The following TMEM260 variants were observed in gnomAD, a reference collection of about 807,000 sequenced individuals.
The protein encoded by TMEM260 is protein O-mannosyl-transferase TMEM260.
TMEM260 carries 82 observed loss-of-function variants against 88.9 expected under a neutral mutation model. The observed-to-expected ratio is 0.92, with a 90% CI of 0.77 to 1.11. The LOEUF is 1.11. TMEM260 is among the 50% of genes least tolerant of loss of function. The pLI, the probability that TMEM260 is intolerant of heterozygous loss-of-function variation, is 0.00. For missense variants in TMEM260, 902 were observed against 853.4 expected, an observed-to-expected ratio of 1.06 and a Z score of -0.71; for synonymous variants, 314 against 309.3, an observed-to-expected ratio of 1.02 and a Z score of -0.16.
At chr14:56,594,862 T>C (rs1291788364) in intron 3 of TMEM260, among the ~76,000 whole-genome samples, 1 of 152,228 alleles carries the variant, frequency 6.6e-6, no homozygotes, top group Non-Finnish European at 1.5e-5. Context: ...TCTACATATA[T>C]AACTCTGCCA....
At chr14:56,640,752 T>A (rs1889527716) in intron 15 of TMEM260, among the ~76,000 whole-genome samples, 2 of 151,600 alleles carry the variant, frequency 1.3e-5, no homozygotes, top group Non-Finnish European at 2.9e-5. Flanking sequence ...TTGAAAAAAA[T>A]TAATTAGACA....
At chr14:56,608,183 A>G (rs914071426) in intron 5 of TMEM260, among the ~76,000 whole-genome samples, 4 of 152,212 alleles carry the variant, frequency 2.6e-5, no homozygotes, top group African/African-American at 9.6e-5. Flanking sequence ...ATGCTAACAT[A>G]AATCAACTGC....
At chr14:56,653,218 T>A (rs1890236859), downstream of TMEM260, among the ~76,000 whole-genome samples, 1 of 151,332 alleles carries the variant, frequency 6.6e-6, no homozygotes, top group Non-Finnish European at 1.5e-5. Context: ...AAATAAAAAA[T>A]AAAAAAATAC....
the TMEM260 span, among the ~76,000 whole-genome samples, chr14:56,655,858 C>A: frequency 6.6e-6 from 1 of 152,132 alleles, no homozygotes; most frequent in Non-Finnish European, 1.5e-5. Context: ...GCTCCCATAG[C>A]CATGTGCTAT....
intron 15 of TMEM260, among the ~76,000 whole-genome samples, chr14:56,639,561 T>G (rs1889403738): frequency 6.6e-6 from 1 of 152,182 alleles, no homozygotes; most frequent in Non-Finnish European, 1.5e-5. Flanking sequence ...TCTACAGCTC[T>G]CAGCATGAGC....
At chr14:56,595,899 A>G (rs538225284) in intron 3 of TMEM260, among the ~76,000 whole-genome samples, 1 of 152,360 alleles carries the variant, frequency 6.6e-6, no homozygotes, top group Non-Finnish European at 1.5e-5. Flanking sequence ...CCAAAAGAAT[A>G]TTTAAACACT....
At chr14:56,641,621 A>C (rs575628544) in intron 15 of TMEM260, among the ~76,000 whole-genome samples, 29 of 152,372 alleles carry the variant, frequency 1.9e-4, no homozygotes, top group Non-Finnish European at 1.3e-4. Flanking sequence ...TGAGGAAAAT[A>C]ACCAGCTAAT....
intron 6 of TMEM260, among the ~76,000 whole-genome samples, chr14:56,610,051 A>G (rs949418664): frequency 5.9e-5 from 9 of 152,152 alleles, no homozygotes; most frequent in South Asian, 2.1e-4. Context: ...TAAACAATCT[A>G]TTGTTCAAGG....
At position 56,579,866 on chromosome 14, in the gene TMEM260, C is replaced by G. The variant is rs1448160958; in HGVS notation, c.-49C>G. On this transcript the variant is annotated 5_prime_UTR_variant, in exon 1 of 16. Transcript: ENST00000261556. ...CTCGGCTGGGGAGCTCCGTGTCGCA[C>G]CGGGTTCTTGGGCTGGCCGTGTCCT... 4.9e-6 allele frequency: 6 copies of G among 1,230,474 alleles called. No individual in the cohort carries two copies. The highest frequency in any genetic ancestry group is 1.6e-5 in the African/African-American group (1 of 64,372). 76.2% of individuals were successfully genotyped at this position (1,230,474 alleles called of 1,614,324 possible).
At chr14:56,623,938 A>G (rs1888082928) in intron 11 of TMEM260, among the ~76,000 whole-genome samples, 1 of 152,224 alleles carries the variant, frequency 6.6e-6, no homozygotes, top group Non-Finnish European at 1.5e-5. Flanking sequence ...AAAAGAGGGA[A>G]TGAATACATA....
chr14:56,600,493 A>C (rs1013251300), intron 3 of TMEM260, among the ~76,000 whole-genome samples: 1 of 152,208 alleles, frequency 6.6e-6, no homozygotes, highest in African/African-American at 2.4e-5. Context: ...AAAAAAGCAA[A>C]TAATCCAATT....
At chr14:56,582,338 T>A (rs991707864) in intron 1 of TMEM260, among the ~76,000 whole-genome samples, 3 of 152,190 alleles carry the variant, frequency 2.0e-5, no homozygotes, top group Admixed American at 1.3e-4. Context: ...ATGGGCAGGG[T>A]GCTTGTGGTG....
chr14:56,617,600 C>T (rs775998149), intron 9 of TMEM260, among the ~76,000 whole-genome samples: 1 of 152,026 alleles, frequency 6.6e-6, no homozygotes, highest in Non-Finnish European at 1.5e-5. Flanking sequence ...ATTTTTTTAA[C>T]AGCAAAAGAA....
chr14:56,579,990 A>T lies in TMEM260; in HGVS notation c.76A>T (p.Ile26Phe). The T allele has an allele frequency of 8.0e-7, 1 of 1,246,140 alleles. No individual in the cohort carries two copies. Among genetic ancestry groups the T allele is most frequent in the Non-Finnish European group, 1.0e-6 (1 of 989,258 alleles). The allele number at this position is 1,246,140 out of a possible 1,614,324, so 77.2% of individuals were successfully genotyped here. A position where few individuals can be genotyped will look rare whatever the true frequency, so the allele number is the denominator to read the frequency against. Residue 26 changes from isoleucine to phenylalanine, a missense_variant, in exon 1 of 16, where the codon ATC (isoleucine) becomes TTC (phenylalanine). By Grantham distance (21) the Ile-to-Phe change is conservative (BLOSUM62 0). Transcript: ENST00000261556. ...VRVGLRRSGG[I>F]RGGVAVFAAV... ...AGTGGGGCTGCGGCGCTCCGGGGGC[A>T]TCCGCGGCGGCGTGGCGGTGTTCGC...
chr14:56,592,432 C>T (rs1885923883), intron 3 of TMEM260, among the ~76,000 whole-genome samples: 1 of 152,088 alleles, frequency 6.6e-6, no homozygotes. Context: ...GTGTTAGATA[C>T]CCAGAACATG....
intron 3 of TMEM260, among the ~76,000 whole-genome samples, chr14:56,591,296 TAATG>T (rs758038026): frequency 5.8e-4 from 89 of 152,326 alleles, no homozygotes; most frequent in Non-Finnish European, 1.0e-3. Context: ...AAAATAGTCT[TAATG>T]AATTGAGATA....
intron 7 of TMEM260, chr14:56,613,154 C>T (rs1887389056): frequency 6.6e-6 from 1 of 152,032 alleles, no homozygotes; most frequent in South Asian, 2.1e-4. Flanking sequence ...TCCATACCAA[C>T]TTGATACAAA....
At chr14:56,638,605 A>T (rs1375881268) in intron 15 of TMEM260, among the ~76,000 whole-genome samples, 2 of 152,022 alleles carry the variant, frequency 1.3e-5, no homozygotes, top group African/African-American at 4.8e-5. Context: ...CTTTGCACAT[A>T]GTCTCCAGAT....
intron 11 of TMEM260, among the ~76,000 whole-genome samples, chr14:56,624,275 A>C (rs139569137): frequency 2.7e-4 from 41 of 152,274 alleles, no homozygotes; most frequent in African/African-American, 9.1e-4. Context: ...AATTTCAGCA[A>C]ACATGATTTG....
Sources: allele counts gnomAD v4.1 joint callset (sites outside exome capture counted in the v4.1 genomes callset), GRCh38; gene constraint gnomAD v4.1.1; transcripts MANE v1.5; gene names NCBI Gene and HGNC (gene_info 2026-07-23, HGNC 2026-07-21).